Variants in DPYD observed in about 807,000 individuals in gnomAD.
DPYD encodes dihydropyrimidine dehydrogenase.
A neutral mutation model predicts 116.2 loss-of-function variants in DPYD; 109 were observed. The ratio of observed to expected loss-of-function variants is 0.94; its 90% CI spans 0.80 to 1.10. The LOEUF (loss-of-function observed/expected upper bound fraction) is 1.10. Among genes scored for constraint, DPYD ranks in the 50% least tolerant of loss-of-function variants. DPYD has a pLI of 0.00. For synonymous variants in DPYD, 440 were observed against 432.0 expected, an observed-to-expected ratio of 1.02 and a Z score of -0.23; for missense variants, 1,302 against 1,254.5, an observed-to-expected ratio of 1.04 and a Z score of -0.57.
chr1:97,687,733 C>G (rs1202190076), intron 7 of DPYD, among the ~76,000 whole-genome samples: 1 of 152,054 alleles, frequency 6.6e-6, no homozygotes, highest in Non-Finnish European at 1.5e-5. Flanking sequence ...ACCAAAATGC[C>G]CATCAATAAT....
chr1:97,490,754 T>A (rs1678927569), intron 13 of DPYD, among the ~76,000 whole-genome samples: 2 of 150,854 alleles, frequency 1.3e-5, no homozygotes. Flanking sequence ...CAGGTGGAAT[T>A]CCTCAACTTA....
intron 11 of DPYD, among the ~76,000 whole-genome samples, chr1:97,572,568 T>C (rs1461906706): frequency 6.6e-6 from 1 of 151,972 alleles, no homozygotes; most frequent in East Asian, 1.9e-4. Flanking sequence ...TAGTATTTAA[T>C]AGTAAGAAGA....
intron 20 of DPYD, among the ~76,000 whole-genome samples, chr1:97,146,354 G>A (rs79836259): frequency 0.068 from 10,368 of 152,112 alleles, 452 homozygotes; most frequent in Middle Eastern, 0.11. Context: ...AGATATTATC[G>A]ATAATTACAG....
chr1:97,370,311 C>A (rs1332955063), intron 16 of DPYD, among the ~76,000 whole-genome samples: 1 of 152,006 alleles, frequency 6.6e-6, no homozygotes, highest in African/African-American at 2.4e-5. Context: ...CAAACTAACA[C>A]AGGAACAGAA....
At chr1:97,333,603 C>T (rs1669139324) in intron 16 of DPYD, among the ~76,000 whole-genome samples, 1 of 143,752 alleles carries the variant, frequency 7.0e-6, no homozygotes, top group South Asian at 2.2e-4. Context: ...TCACTGCAAT[C>T]TCCGCCTCCC....
intron 20 of DPYD, among the ~76,000 whole-genome samples, chr1:97,150,623 T>C (rs1654944032): frequency 6.6e-6 from 1 of 152,184 alleles, no homozygotes; most frequent in Non-Finnish European, 1.5e-5. Flanking sequence ...TATATATGAA[T>C]ATTTATTTCT....
intron 14 of DPYD, among the ~76,000 whole-genome samples, chr1:97,433,348 A>C (rs2101737058): frequency 6.6e-6 from 1 of 152,270 alleles, no homozygotes; most frequent in Non-Finnish European, 1.5e-5. Context: ...GGGTTCTCAC[A>C]CATCACACAA....
intron 13 of DPYD, among the ~76,000 whole-genome samples, chr1:97,461,293 T>C (rs1243141153): frequency 6.6e-6 from 1 of 152,212 alleles, no homozygotes; most frequent in South Asian, 2.1e-4. Flanking sequence ...GACTTCCGTA[T>C]ATATGAAGTT....
chr1:97,573,755 T>C lies in DPYD; in HGVS notation c.1339+5A>G, dbSNP rs2102182005. Reference sequence around the variant, plus strand: ...CATCACACATTTCAGCTCCCAGCACTGTACCTTTAGGATCACTCAGAACTG... The same window carrying C: ...CATCACACATTTCAGCTCCCAGCACCGTACCTTTAGGATCACTCAGAACTG... On this transcript the variant is annotated splice_donor_5th_base_variant and intron_variant, in intron 11 of 22. Coordinates refer to ENST00000370192, the MANE Select transcript of DPYD (RefSeq NM_000110.4). 6.2e-7 allele frequency: 1 copy of C among 1,613,458 alleles called. No individual in the cohort carries two copies. The highest frequency in any genetic ancestry group is 8.5e-7 in the Non-Finnish European group (1 of 1,179,474).
chr1:97,254,276 T>TTA (rs1207046387), intron 18 of DPYD, among the ~76,000 whole-genome samples: 1 of 152,112 alleles, frequency 6.6e-6, no homozygotes, highest in East Asian at 1.9e-4. Flanking sequence ...CATATACTTT[T>TTA]TATATATATA....
chr1:97,721,725 G>A, intron 4 of DPYD, 54 bp from the exon 5 acceptor site: 1 of 1,513,958 alleles, frequency 6.6e-7, no homozygotes, highest in South Asian at 1.1e-5. Flanking sequence ...ACTTTAAACA[G>A]CCAAATTACG....
At chr1:97,495,194 G>A (rs1194719435) in intron 13 of DPYD, among the ~76,000 whole-genome samples, 1 of 151,948 alleles carries the variant, frequency 6.6e-6, no homozygotes, top group African/African-American at 2.4e-5. Context: ...GATGAGAGAG[G>A]GCATTGTAGG....
intron 8 of DPYD, among the ~76,000 whole-genome samples, chr1:97,617,530 G>A (rs1296726587): frequency 6.6e-6 from 1 of 152,072 alleles, no homozygotes; most frequent in Non-Finnish European, 1.5e-5. Context: ...GTGGTCTCTA[G>A]GTCCAGTGAA....
chr1:97,820,345 T>C (rs1165070383), intron 3 of DPYD, among the ~76,000 whole-genome samples: 2 of 152,176 alleles, frequency 1.3e-5, no homozygotes, highest in African/African-American at 4.8e-5. Context: ...TTAAATGTCT[T>C]GGTATCTCTT....
chr1:97,809,552 G>A (rs760632689), intron 3 of DPYD, among the ~76,000 whole-genome samples: 3 of 152,110 alleles, frequency 2.0e-5, no homozygotes, highest in Admixed American at 6.5e-5. Context: ...TGTAGAATAC[G>A]AGGGATGGTT....
intron 18 of DPYD, among the ~76,000 whole-genome samples, chr1:97,288,340 T>C (rs942357539): frequency 1.8e-4 from 27 of 151,168 alleles, no homozygotes; most frequent in Non-Finnish European, 3.0e-4. Context: ...GGGGACCTAA[T>C]AGACATCTAC....
In DPYD at chr1:97,373,586, C is replaced by T; in HGVS notation, c.2033G>A (p.Arg678Lys). 6.2e-7 allele frequency: 1 copy of T among 1,613,886 alleles called. No individual in the cohort carries two copies. The highest frequency in any genetic ancestry group is 1.1e-5 in the South Asian group (1 of 91,064). The change falls in exon 16 of 23, where the codon AGA becomes AAA. Residue 678 changes from arginine to lysine, a missense_variant. Transcript: ENST00000370192. ...NLSCPHGMGE[R>K]GMGLACGQDP... ...CTGCCCACAGGCCAGGCCCATTCCT[C>T]TTTCTCCCATGCCATGTGGACATGA...
At chr1:97,533,138 A>G (rs750315843) in intron 12 of DPYD, among the ~76,000 whole-genome samples, 12 of 148,644 alleles carry the variant, frequency 8.1e-5, no homozygotes, top group Non-Finnish European at 1.6e-4. Context: ...CCATGATTCA[A>G]TCACCCCCCA....
chr1:97,359,148 G>A (rs1354366074), intron 16 of DPYD, among the ~76,000 whole-genome samples: 16 of 152,008 alleles, frequency 1.1e-4, no homozygotes, highest in African/African-American at 2.4e-4. Context: ...ACCATGACAC[G>A]AGAACTACGT....
Sources: gnomAD v4.1 joint callset for allele counts (sites outside exome capture counted in the v4.1 genomes callset) on GRCh38, gnomAD v4.1.1 for gene constraint, MANE v1.5 for transcripts, NCBI Gene and HGNC (gene_info 2026-07-23, HGNC 2026-07-21) for gene names.